The following OR4K13 variants were observed in gnomAD, a reference collection of about 807,000 sequenced individuals.
OR4K13 encodes the protein olfactory receptor family 4 subfamily K member 13.
For synonymous variants in OR4K13, 160 were observed against 134.8 expected (o/e 1.19, Z -1.30); for missense variants, 403 against 366.0 (o/e 1.10, Z -0.82).
At position 20,032,210 on chromosome 14, in the gene OR4K13, G is replaced by C. The variant is rs543658875; in HGVS notation, c.*1634C>G. 2.0e-5 allele frequency: 3 copies of C among 152,090 alleles called. No individual in the cohort carries two copies. Among genetic ancestry groups the C allele is most frequent in the African/African-American group, 7.2e-5 (3 of 41,386 alleles). 9.4% of individuals were successfully genotyped at this position (152,090 alleles called of 1,614,324 possible). On this transcript the variant is annotated 3_prime_UTR_variant, in exon 2 of 2. Coordinates refer to ENST00000641904, the MANE Select transcript of OR4K13 (RefSeq NM_001004714.2). ...GGATTTCTAAGCAAGTCCTTAATTA[G>C]ATAAGAAACACTGTGTATGAATGTA...
Position 20,034,453 on chromosome 14 carries a change from G to A in OR4K13, c.306C>T (p.Phe102=). Residue 102 remains phenylalanine (F), a synonymous_variant, in exon 2 of 2, where the codon TTC becomes TTT. Coordinates refer to ENST00000641904, the MANE Select transcript of OR4K13 (RefSeq NM_001004714.2). The part of the protein sequence containing the change: ...ISWWGCYSQM[F]FMHLLGGSEM... ...CACTCCCACCCAGGAGGTGCATAAA[G>A]AACATCTGGGAATAACATCCCCACC... 1 of 1,613,890 alleles carries A rather than the reference G, an allele frequency of 6.2e-7. No homozygotes were observed. Among genetic ancestry groups the A allele is most frequent in the African/African-American group, 1.3e-5 (1 of 74,960 alleles).
In OR4K13 at chr14:20,033,838, T is replaced by G; in HGVS notation, c.*6A>C. On this transcript the variant is annotated 3_prime_UTR_variant, in exon 2 of 2. Transcript: ENST00000641904. Reference sequence around the variant, plus strand: ...AAAAGTCTCATCTAAAAAGTATGCTTTAAATTTATATGCAGAGTCTTTTTT... The same window carrying G: ...AAAAGTCTCATCTAAAAAGTATGCTGTAAATTTATATGCAGAGTCTTTTTT... The G allele has an allele frequency of 7.2e-7, 1 of 1,384,326 alleles. No individual in the cohort carries two copies. The allele number at this position is 1,384,326 out of a possible 1,614,324, so 85.8% of individuals were successfully genotyped here.
In OR4K13 at chr14:20,033,905, A is replaced by G. The variant is rs199523769; in HGVS notation, c.854T>C (p.Ile285Thr). Reference sequence around the variant, plus strand: ...CTCTTGATTTCTTAATGTATAAATAATAGGATTTAAGAGAGGTGTGAAAAT... The same window carrying G: ...CTCTTGATTTCTTAATGTATAAATAGTAGGATTTAAGAGAGGTGTGAAAAT... ...YTIFTPLLNP[I>T]IYTLRNQEVK... Residue 285 changes from isoleucine (I) to threonine (T), a missense_variant, in exon 2 of 2, where the codon ATT becomes ACT. Physicochemically the swap from Ile to Thr is moderately conservative, Grantham distance 89 (BLOSUM62 -1). Coordinates refer to ENST00000641904, the MANE Select transcript of OR4K13 (RefSeq NM_001004714.2). 1 of 1,588,344 alleles carries G rather than the reference A, an allele frequency of 6.3e-7. No individual in the cohort carries two copies. Among genetic ancestry groups the G allele is most frequent in the Non-Finnish European group, 8.6e-7 (1 of 1,157,386 alleles).
chr14:20,035,255 T>C (rs534920637), intron 1 of OR4K13, among the ~76,000 whole-genome samples: 1 of 152,182 alleles, frequency 6.6e-6, no homozygotes, highest in East Asian at 1.9e-4. Context: ...GTTTTATTAA[T>C]GTGGAAAGGA....
rs1877456797 is a variant in OR4K13, at chr14:20,032,923, T to G, written c.*921A>C. 1 of 152,246 alleles carries G rather than the reference T, an allele frequency of 6.6e-6. No homozygotes were observed. Among genetic ancestry groups the G allele is most frequent in the African/African-American group, 2.4e-5 (1 of 41,468 alleles). 9.4% of individuals were successfully genotyped at this position (152,246 alleles called of 1,614,324 possible). Reference sequence around the variant, plus strand: ...TGACCCAGCTCAATGAAATTATGTATAGGTTCTCCACTGTGTCATGCTTCT... The same window carrying G: ...TGACCCAGCTCAATGAAATTATGTAGAGGTTCTCCACTGTGTCATGCTTCT... On this transcript the variant is annotated 3_prime_UTR_variant, in exon 2 of 2. Transcript: ENST00000641904.
In OR4K13 at chr14:20,033,757, T is replaced by G; in HGVS notation, c.*87A>C. On this transcript the variant is annotated 3_prime_UTR_variant, in exon 2 of 2. Transcript: ENST00000641904. ...AACCGCAATGACTTTTGCACGAACC[T>G]GATACATTAAAAACGAGTTTCTTAA... 1 of 749,934 alleles carries G rather than the reference T, an allele frequency of 1.3e-6. No homozygotes were observed. The highest frequency in any genetic ancestry group is 1.8e-5 in the African/African-American group (1 of 56,830). 46.5% of individuals were successfully genotyped at this position (749,934 alleles called of 1,614,324 possible). A position where few individuals can be genotyped will look rare whatever the true frequency, so the allele number is the denominator to read the frequency against.
rs988161364 is a variant in OR4K13 at position 20,030,614 on chromosome 14, T to G, written c.*3230A>C. On this transcript the variant is annotated 3_prime_UTR_variant, in exon 2 of 2. Coordinates refer to ENST00000641904, the MANE Select transcript of OR4K13 (RefSeq NM_001004714.2). Reference sequence around the variant, plus strand: ...ATTACTGGTAAAGTTGCACTGGACTTAAAACCCCAAGAGTCTTCCTACTAC... The same window carrying G: ...ATTACTGGTAAAGTTGCACTGGACTGAAAACCCCAAGAGTCTTCCTACTAC... 6.6e-6 allele frequency: 1 copy of G among 152,172 alleles called. No homozygotes were observed. The highest frequency in any genetic ancestry group is 2.1e-4 in the South Asian group (1 of 4,824). The allele number at this position is 152,172 out of a possible 1,614,324, so 9.4% of individuals were successfully genotyped here.
chr14:20,034,840 T>A lies in OR4K13; in HGVS notation c.-82A>T, dbSNP rs1481067670. The stretch of plus-strand genomic sequence containing the variant: ...GATGCATATTGGAAAGAAATGTTCA[T>A]GTTGATGTCCACATTTGGTACTCAG... On this transcript the variant is annotated 5_prime_UTR_variant, in exon 2 of 2. It removes an upstream start codon present in the reference 5' UTR. Transcript: ENST00000641904. 4 of 1,160,488 alleles carry A rather than the reference T, an allele frequency of 3.4e-6. No individual in the cohort carries two copies. Among genetic ancestry groups the A allele is most frequent in the East Asian group, 4.8e-5 (2 of 41,282 alleles). 71.9% of individuals were successfully genotyped at this position (1,160,488 alleles called of 1,614,324 possible). A position where few individuals can be genotyped will look rare whatever the true frequency, so the allele number is the denominator to read the frequency against.
rs867146757 is a variant in OR4K13 at position 20,031,899 on chromosome 14, G to A, written c.*1945C>T. The A allele has an allele frequency of 6.6e-6, 1 of 152,264 alleles. No homozygotes were observed. Among genetic ancestry groups the A allele is most frequent in the Middle Eastern group, 3.4e-3 (1 of 294 alleles). 9.4% of individuals were successfully genotyped at this position (152,264 alleles called of 1,614,324 possible). Reference sequence around the variant, plus strand: ...ATTTTATTCAAATGCAAGCAGGTGGGGGATGGCCAGGCTCATGCCTTTAAC... The same window carrying A: ...ATTTTATTCAAATGCAAGCAGGTGGAGGATGGCCAGGCTCATGCCTTTAAC... On this transcript the variant is annotated 3_prime_UTR_variant, in exon 2 of 2. Transcript: ENST00000641904.
At position 20,034,901 on chromosome 14, in the gene OR4K13, G is replaced by A; in HGVS notation, c.-143C>T. On this transcript the variant is annotated 5_prime_UTR_variant, in exon 2 of 2. Coordinates refer to ENST00000641904, the MANE Select transcript of OR4K13 (RefSeq NM_001004714.2). ...TGAACTTACAAGGACCCTTACTTTT[G>A]TGGAATTTTGTCAGTCAGTGATTTT... 1.5e-6 allele frequency: 1 copy of A among 663,512 alleles called. No individual in the cohort carries two copies. Among genetic ancestry groups the A allele is most frequent in the Non-Finnish European group, 2.5e-6 (1 of 400,038 alleles). 41.1% of individuals were successfully genotyped at this position (663,512 alleles called of 1,614,324 possible).
chr14:20,031,365 G>A lies in OR4K13; in HGVS notation c.*2479C>T, dbSNP rs536429731. On this transcript the variant is annotated 3_prime_UTR_variant, in exon 2 of 2. Transcript: ENST00000641904. ...GATAGTAGCTAGCATGTTGGGAGAG[G>A]GAAAAAATAACTCCTTCTAATAAAG... 1.3e-5 allele frequency: 2 copies of A among 151,964 alleles called. No homozygotes were observed. The highest frequency in any genetic ancestry group is 2.1e-4 in the South Asian group (1 of 4,812). The allele number at this position is 151,964 out of a possible 1,614,324, so 9.4% of individuals were successfully genotyped here.
rs1877391660 is a variant in OR4K13, at chr14:20,030,553, T to C, written c.*3291A>G. ...TGTGAGTCCTGAACAAATTCATAGG[T>C]AGAATTGTGAATAGGAAGAGACAAA... is the stretch of plus-strand genomic sequence containing the variant. On this transcript the variant is annotated 3_prime_UTR_variant, in exon 2 of 2. Transcript: ENST00000641904. 1 of 152,152 alleles carries C rather than the reference T, an allele frequency of 6.6e-6. No homozygotes were observed. Among genetic ancestry groups the C allele is most frequent in the African/African-American group, 2.4e-5 (1 of 41,440 alleles). 9.4% of individuals were successfully genotyped at this position (152,152 alleles called of 1,614,324 possible). A position where few individuals can be genotyped will look rare whatever the true frequency, so the allele number is the denominator to read the frequency against.
Position 20,033,344 on chromosome 14 carries a change from A to G in OR4K13, c.*500T>C. The G allele has an allele frequency of 6.5e-6, 1 of 154,244 alleles. No homozygotes were observed. The highest frequency in any genetic ancestry group is 1.4e-5 in the Non-Finnish European group (1 of 69,490). The allele number at this position is 154,244 out of a possible 1,614,324, so 9.6% of individuals were successfully genotyped here. On this transcript the variant is annotated 3_prime_UTR_variant, in exon 2 of 2. Coordinates refer to ENST00000641904, the MANE Select transcript of OR4K13 (RefSeq NM_001004714.2). ...GGATAAATAACCGTGATGAGATGTC[A>G]TCTGTGTGCTTTCTCTAAACATAGA...
In OR4K13 at chr14:20,033,693, T is replaced by G; in HGVS notation, c.*151A>C. On this transcript the variant is annotated 3_prime_UTR_variant, in exon 2 of 2. Coordinates refer to ENST00000641904, the MANE Select transcript of OR4K13 (RefSeq NM_001004714.2). ...CTGGTACACAAGTTATAGTGGTTTTTGCCATTACTTTAATTTTGTCATTTA... is the reference window on the plus strand; with the variant it reads ...CTGGTACACAAGTTATAGTGGTTTTGGCCATTACTTTAATTTTGTCATTTA... 1 of 547,144 alleles carries G rather than the reference T, an allele frequency of 1.8e-6. No individual in the cohort carries two copies. Among genetic ancestry groups the G allele is most frequent in the South Asian group, 2.3e-5 (1 of 43,968 alleles). 33.9% of individuals were successfully genotyped at this position (547,144 alleles called of 1,614,324 possible).
rs1319922070 is a variant in OR4K13 at position 20,034,045 on chromosome 14, G to A, written c.714C>T (p.Ser238=). 1 of 1,614,132 alleles carries A rather than the reference G, an allele frequency of 6.2e-7. No homozygotes were observed. Among genetic ancestry groups the A allele is most frequent in the Non-Finnish European group, 8.5e-7 (1 of 1,179,998 alleles). ...CAACTGTGATGTGAGCTGAGAGAGT[G>A]GAGAAAGCCTTAGAGGATCGACTAG... is the stretch of plus-strand genomic sequence containing the variant. ...RAASRSSKAF[S]TLSAHITVVT... Residue 238 remains serine (S), a synonymous_variant, in exon 2 of 2, where the codon TCC becomes TCT. Transcript: ENST00000641904.
chr14:20,030,175 T>G lies in OR4K13; in HGVS notation c.*3669A>C, dbSNP rs1293019705. 2 of 152,014 alleles carry G rather than the reference T, an allele frequency of 1.3e-5. No individual in the cohort carries two copies. The highest frequency in any genetic ancestry group is 2.9e-5 in the Non-Finnish European group (2 of 67,992). The allele number at this position is 152,014 out of a possible 1,614,324, so 9.4% of individuals were successfully genotyped here. ...CTACTGTGGGGGACAGGAGCATTTT[T>G]GGGTTGATGAAACTGTTCTATCTCT... On this transcript the variant is annotated 3_prime_UTR_variant, in exon 2 of 2. Transcript: ENST00000641904.
intron 1 of OR4K13, among the ~76,000 whole-genome samples, chr14:20,035,432 G>T (rs1178642835): frequency 7.3e-6 from 1 of 136,980 alleles, no homozygotes; most frequent in African/African-American, 2.7e-5. Flanking sequence ...CTTTTGAAGT[G>T]TCAAGTATAT....
rs141581255 is a variant in OR4K13, at chr14:20,034,707, A to C, written c.52T>G (p.Ser18Ala). ...AAAATCTGAAGATTTTGAGATTTGG[A>C]AAGTCCCAACAAAATAAATTCCGAT... Reference protein sequence around the residue: ...VVSEFILLGLSKSQNLQILFF... With the variant: ...VVSEFILLGLAKSQNLQILFF... Residue 18 changes from serine to alanine, a missense_variant, in exon 2 of 2, where the codon TCC (serine) becomes GCC (alanine). Coordinates refer to ENST00000641904, the MANE Select transcript of OR4K13 (RefSeq NM_001004714.2). 186 of 1,612,794 alleles carry C rather than the reference A, an allele frequency of 1.2e-4. 1 individual carries two copies. In the African/African-American group the frequency reaches 2.2e-3, roughly 19 times the overall value.
Position 20,033,090 on chromosome 14 carries a change from T to C in OR4K13, c.*754A>G, listed in dbSNP as rs1877461144. ...CTCTCAAAGCACCCTGTCCATCATG[T>C]AACAGTGCTGTTCGTGCCATGGAAC... On this transcript the variant is annotated 3_prime_UTR_variant, in exon 2 of 2. Transcript: ENST00000641904. 6.6e-6 allele frequency: 1 copy of C among 152,286 alleles called. No homozygotes were observed. The highest frequency in any genetic ancestry group is 1.5e-5 in the Non-Finnish European group (1 of 68,086). 9.4% of individuals were successfully genotyped at this position (152,286 alleles called of 1,614,324 possible).
Sources: allele counts gnomAD v4.1 joint callset (sites outside exome capture counted in the v4.1 genomes callset), GRCh38; gene constraint gnomAD v4.1.1; transcripts MANE v1.5; gene names NCBI Gene and HGNC (gene_info 2026-07-23, HGNC 2026-07-21).